The following AGMO variants were observed in gnomAD, a reference collection of about 807,000 sequenced individuals.
The protein encoded by AGMO is alkylglycerol monooxygenase, also known as glyceryl-ether monooxygenase.
In AGMO, 75 loss-of-function variants were observed where a neutral mutation model predicts 60.2. The ratio of observed to expected loss-of-function variants is 1.25; its 90% CI spans 1.03 to 1.51. The LOEUF (loss-of-function observed/expected upper bound fraction) is 1.51, where lower values mean the gene tolerates loss of function less well. Among genes scored for constraint, AGMO ranks in the 40% most tolerant of loss-of-function variants. The pLI is 0.00. For missense variants in AGMO, 763 were observed against 525.5 expected (o/e 1.45, Z -4.42); for synonymous variants, 261 against 177.1 (o/e 1.47, Z -3.76).
chr7:15,122,714 T>C, the AGMO span, among the ~76,000 whole-genome samples: 2 of 152,112 alleles, frequency 1.3e-5, no homozygotes, highest in Non-Finnish European at 1.5e-5. Flanking sequence ...ATACTGTTTT[T>C]ATAAAATTTC....
intron 12 of AGMO, among the ~76,000 whole-genome samples, chr7:15,305,787 G>A (rs944157575): frequency 5.9e-5 from 9 of 151,844 alleles, no homozygotes; most frequent in South Asian, 2.1e-4. Context: ...GAAATCATAC[G>A]GAAGATTCTG....
chr7:15,320,466 A>G (rs1308973116), intron 12 of AGMO, among the ~76,000 whole-genome samples: 2 of 152,056 alleles, frequency 1.3e-5, no homozygotes, highest in Non-Finnish European at 2.9e-5. Context: ...CTCTAAATTG[A>G]TTATGATTAA....
intron 12 of AGMO, among the ~76,000 whole-genome samples, chr7:15,351,258 G>A (rs981568002): frequency 6.6e-6 from 1 of 152,082 alleles, no homozygotes; most frequent in Non-Finnish European, 1.5e-5. Context: ...TACATATGTA[G>A]ATAACATCAG....
At position 15,203,116 on chromosome 7, in the gene AGMO, C is replaced by T. The variant is rs553848642; in HGVS notation, c.1264-1757G>A. On this transcript the variant is annotated intron_variant, in intron 12 of 12. Transcript: ENST00000342526. ...CAAGGATGATCTCCCTGAGGGAAGG[C>T]TGAGTACAATTACTTCAGTGAAACC... Among the ~76,000 whole-genome samples, 9 of 152,218 alleles carry T rather than the reference C, an allele frequency of 5.9e-5. No homozygotes were observed. The South Asian group carries it at 1.5e-3, about 25-fold the overall frequency.
the AGMO span, among the ~76,000 whole-genome samples, chr7:15,143,890 G>A: frequency 6.6e-6 from 1 of 152,068 alleles, no homozygotes; most frequent in South Asian, 2.1e-4. Context: ...AGGATAGATT[G>A]CTCAGGAATT....
intron 12 of AGMO, among the ~76,000 whole-genome samples, chr7:15,287,386 C>G (rs1375632590): frequency 6.6e-6 from 1 of 152,068 alleles, no homozygotes; most frequent in Non-Finnish European, 1.5e-5. Context: ...CCGATATGTC[C>G]TCCTCACCAC....
chr7:15,190,365 C>T, the AGMO span, among the ~76,000 whole-genome samples: 1 of 151,556 alleles, frequency 6.6e-6, no homozygotes, highest in African/African-American at 2.4e-5. Flanking sequence ...AGGTTATCAA[C>T]TAGTAAGTCA....
intron 12 of AGMO, among the ~76,000 whole-genome samples, chr7:15,357,889 C>G (rs1445303929): frequency 6.6e-6 from 1 of 152,052 alleles, no homozygotes; most frequent in East Asian, 1.9e-4. Context: ...TTGGCTTGGT[C>G]ATGCAAAAAC....
At chr7:15,379,470 A>G (rs1030249115) in intron 10 of AGMO, among the ~76,000 whole-genome samples, 1 of 152,152 alleles carries the variant, frequency 6.6e-6, no homozygotes, top group African/African-American at 2.4e-5. Context: ...CAATCAGAAA[A>G]TATTATGAAC....
chr7:15,314,975 C>T (rs1042154063), intron 12 of AGMO, among the ~76,000 whole-genome samples: 1 of 151,982 alleles, frequency 6.6e-6, no homozygotes, highest in Admixed American at 6.6e-5. Context: ...ATGTAAGGAC[C>T]GAAGCGACAT....
the AGMO span, among the ~76,000 whole-genome samples, chr7:15,138,672 G>C: frequency 3.9e-5 from 6 of 152,124 alleles, no homozygotes; most frequent in Admixed American, 3.9e-4. Flanking sequence ...AAACACCAAT[G>C]TTTCAATACT....
chr7:15,485,717 A>G (rs1782903467), intron 3 of AGMO, among the ~76,000 whole-genome samples: 1 of 152,094 alleles, frequency 6.6e-6, no homozygotes. Flanking sequence ...TCACACTCTT[A>G]GCACGGTGCC....
intron 3 of AGMO, among the ~76,000 whole-genome samples, chr7:15,493,544 T>G (rs997624966): frequency 4.0e-5 from 6 of 151,170 alleles, no homozygotes; most frequent in Non-Finnish European, 7.4e-5. Flanking sequence ...CGGCTAATTT[T>G]TTTGTGTTTT....
At chr7:15,402,568 T>C (rs1253332771) in intron 5 of AGMO, among the ~76,000 whole-genome samples, 2 of 148,596 alleles carry the variant, frequency 1.3e-5, no homozygotes, top group Non-Finnish European at 3.0e-5. Flanking sequence ...TTATGTATTA[T>C]AGTCATATAT....
intron 3 of AGMO, among the ~76,000 whole-genome samples, chr7:15,446,772 G>C (rs11977436): frequency 1.3e-5 from 2 of 151,944 alleles, no homozygotes; most frequent in African/African-American, 4.8e-5. Flanking sequence ...ATAATGCCTC[G>C]TTTGTTCTTT....
At chr7:15,289,418 T>C (rs62450294) in intron 12 of AGMO, among the ~76,000 whole-genome samples, 9,682 of 152,170 alleles carry the variant, frequency 0.064, 479 homozygotes, top group South Asian at 0.19. Context: ...TTTAATCAAA[T>C]ATGCTTATAG....
intron 12 of AGMO, among the ~76,000 whole-genome samples, chr7:15,273,550 T>C (rs929246507): frequency 6.6e-6 from 1 of 152,168 alleles, no homozygotes; most frequent in African/African-American, 2.4e-5. Context: ...TGAAGTCAGG[T>C]AGTGTGATGC....
the AGMO span, among the ~76,000 whole-genome samples, chr7:15,127,635 T>C: frequency 2.6e-5 from 4 of 152,106 alleles, no homozygotes; most frequent in Admixed American, 1.3e-4. Flanking sequence ...ACAAAATTCA[T>C]AGATTAAAAT....
chr7:15,305,642 T>C (rs1471679125), intron 12 of AGMO, among the ~76,000 whole-genome samples: 1 of 152,046 alleles, frequency 6.6e-6, no homozygotes, highest in Non-Finnish European at 1.5e-5. Flanking sequence ...ATGATTTGGC[T>C]GTATATCTGA....
Sources: allele counts gnomAD v4.1 joint callset (sites outside exome capture counted in the v4.1 genomes callset), GRCh38; gene constraint gnomAD v4.1.1; transcripts MANE v1.5; gene names NCBI Gene and HGNC (gene_info 2026-07-23, HGNC 2026-07-21).